Variants in GRM5 observed in about 807,000 individuals in gnomAD.
The protein encoded by GRM5 is metabotropic glutamate receptor 5.
A neutral mutation model predicts 83.1 loss-of-function variants in GRM5; 19 were observed. That is an observed-to-expected ratio of 0.23 (90% CI 0.16 to 0.34). GRM5 has a LOEUF of 0.34. Ranked by LOEUF, GRM5 falls within the 10% of genes least tolerant of loss-of-function variation. GRM5 has a pLI of 1.00. For missense variants in GRM5, 1,160 were observed against 1,588.3 expected (o/e 0.73, Z 4.58); for synonymous variants, 675 against 633.6 (o/e 1.07, Z -0.98).
intron 3 of GRM5, among the ~76,000 whole-genome samples, chr11:88,789,905 A>G (rs74746783): frequency 0.01 from 1,525 of 152,036 alleles, 18 homozygotes; most frequent in African/African-American, 0.035. Context: ...CCCAGGCTGG[A>G]GGGCAGTGGC....
At chr11:88,654,237 T>A (rs1939710940) in intron 3 of GRM5, among the ~76,000 whole-genome samples, 1 of 151,896 alleles carries the variant, frequency 6.6e-6, no homozygotes, top group African/African-American at 2.4e-5. Flanking sequence ...TAGAGGAGAG[T>A]ATAACAGAAT....
intron 3 of GRM5, among the ~76,000 whole-genome samples, chr11:88,842,878 C>A (rs1944228544): frequency 6.6e-6 from 1 of 152,156 alleles, no homozygotes; most frequent in Non-Finnish European, 1.5e-5. Context: ...ACTACTTTAT[C>A]TTTGAAATGT....
chr11:88,635,568 C>A (rs1049766942), intron 4 of GRM5, among the ~76,000 whole-genome samples: 1 of 152,006 alleles, frequency 6.6e-6, no homozygotes, highest in African/African-American at 2.4e-5. Context: ...GAGTTGTTTG[C>A]ATTTGTTTTA....
At chr11:88,919,631 G>T (rs892850978) in intron 2 of GRM5, among the ~76,000 whole-genome samples, 1 of 151,732 alleles carries the variant, frequency 6.6e-6, no homozygotes, top group Non-Finnish European at 1.5e-5. Flanking sequence ...CATGCTCAAG[G>T]ATAGACTATA....
intron 2 of GRM5, among the ~76,000 whole-genome samples, chr11:89,031,681 A>G (rs1389691976): frequency 6.6e-6 from 1 of 152,058 alleles, no homozygotes; most frequent in Non-Finnish European, 1.5e-5. Flanking sequence ...TAAAATGTTA[A>G]AAGGTTTTAT....
At chr11:89,012,485 CA>C (rs1161603254) in intron 2 of GRM5, among the ~76,000 whole-genome samples, 2 of 152,150 alleles carry the variant, frequency 1.3e-5, no homozygotes, top group Non-Finnish European at 2.9e-5. Context: ...TTTATTGTTG[CA>C]AATAGGGGTA....
At chr11:88,865,392 C>G (rs1215509538) in intron 2 of GRM5, among the ~76,000 whole-genome samples, 3 of 152,114 alleles carry the variant, frequency 2.0e-5, no homozygotes, top group East Asian at 1.9e-4. Context: ...TTCCTTACAC[C>G]TTTTACAAAA....
intron 2 of GRM5, among the ~76,000 whole-genome samples, chr11:89,026,025 T>C (rs1238973016): frequency 3.3e-5 from 5 of 152,182 alleles, no homozygotes. Context: ...AATCATGCTC[T>C]TTTTGGCAAC....
intron 2 of GRM5, chr11:89,009,071 C>T (rs533480892): frequency 6.8e-5 from 51 of 744,632 alleles, no homozygotes; most frequent in Non-Finnish European, 9.8e-5. Context: ...ATCCCTCTTA[C>T]GCATCTCTTC....
chr11:88,889,318 C>T (rs1406134377), intron 2 of GRM5, among the ~76,000 whole-genome samples: 1 of 152,040 alleles, frequency 6.6e-6, no homozygotes, highest in Non-Finnish European at 1.5e-5. Context: ...GTTGGTTCAG[C>T]CTACACCCAG....
intron 2 of GRM5, among the ~76,000 whole-genome samples, chr11:89,026,285 A>AG (rs1300086311): frequency 8.5e-5 from 13 of 152,174 alleles, no homozygotes; most frequent in Admixed American, 8.5e-4. Flanking sequence ...CATGTAACAA[A>AG]CCTGCACATG....
At chr11:89,064,880 C>G (rs369089606) in intron 1 of GRM5, among the ~76,000 whole-genome samples, 4,953 of 58,382 alleles carry the variant, frequency 0.085, 104 homozygotes, top group South Asian at 0.12. Flanking sequence ...CTCTCTCTCT[C>G]TCTCTCTCTG....
chr11:88,926,429 T>C (rs1229471734), intron 2 of GRM5, among the ~76,000 whole-genome samples: 1 of 152,192 alleles, frequency 6.6e-6, no homozygotes, highest in Non-Finnish European at 1.5e-5. Context: ...CATCCAGGCA[T>C]TAAGTTTATA....
chr11:88,917,897 A>C (rs1294833173), intron 2 of GRM5, among the ~76,000 whole-genome samples: 1 of 152,148 alleles, frequency 6.6e-6, no homozygotes, highest in African/African-American at 2.4e-5. Context: ...AGAAAGAGAG[A>C]TTGGGGTAGA....
chr11:89,034,379 A>AT (rs552211460), intron 2 of GRM5, among the ~76,000 whole-genome samples: 8 of 151,798 alleles, frequency 5.3e-5, no homozygotes, highest in East Asian at 3.9e-4. Flanking sequence ...ACACGACACA[A>AT]TTTTTTTTAC....
chr11:88,646,989 C>G (rs894363977), intron 4 of GRM5, among the ~76,000 whole-genome samples: 2 of 151,768 alleles, frequency 1.3e-5, no homozygotes, highest in African/African-American at 2.4e-5. Flanking sequence ...CAGGTGTCAG[C>G]AATGTCATAC....
chr11:88,709,945 C>G (rs1941245909), intron 3 of GRM5, among the ~76,000 whole-genome samples: 1 of 152,146 alleles, frequency 6.6e-6, no homozygotes, highest in Admixed American at 6.5e-5. Context: ...GCCTACCAAG[C>G]TGCCTCTTCC....
chr11:88,684,177 G>T (rs2076323394), intron 3 of GRM5, among the ~76,000 whole-genome samples: 1 of 152,184 alleles, frequency 6.6e-6, no homozygotes, highest in African/African-American at 2.4e-5. Flanking sequence ...TGTGCCAAAG[G>T]GAGACTAGTA....
chr11:89,028,493 G>C (rs916384540), intron 2 of GRM5, among the ~76,000 whole-genome samples: 38 of 152,166 alleles, frequency 2.5e-4, no homozygotes, highest in African/African-American at 8.9e-4. Context: ...CTGAGAAAGA[G>C]GCTGAGACAG....
Sources: gnomAD v4.1 joint callset for allele counts (sites outside exome capture counted in the v4.1 genomes callset) on GRCh38, gnomAD v4.1.1 for gene constraint, MANE v1.5 for transcripts, NCBI Gene and HGNC (gene_info 2026-07-23, HGNC 2026-07-21) for gene names.